Variants in MYO18B observed in about 807,000 individuals in gnomAD.
MYO18B encodes the protein unconventional myosin-XVIIIb.
MYO18B carries 204 observed loss-of-function variants against 273.0 expected under a neutral mutation model. That is an observed-to-expected ratio of 0.75 (90% confidence interval 0.67 to 0.84). MYO18B has a LOEUF of 0.84. MYO18B is among the 40% of genes least tolerant of loss of function. The probability of loss-of-function intolerance (pLI) is 0.00; values close to 1 mark genes in which losing one functional copy is unlikely to be tolerated. For synonymous variants in MYO18B, 1,330 were observed against 1,305.7 expected, an observed-to-expected ratio of 1.02 and a Z score of -0.40; for missense variants, 3,212 against 3,287.6, an observed-to-expected ratio of 0.98 and a Z score of 0.56.
At chr22:26,030,392 C>G (rs947422530) in intron 43 of MYO18B, 51 bp from the exon 44 acceptor site, 1 of 153,196 alleles carries the variant, frequency 6.5e-6, no homozygotes, top group African/African-American at 2.4e-5. Flanking sequence ...AAAGAAAAAC[C>G]TTACCCATCC....
the MYO18B span, among the ~76,000 whole-genome samples, chr22:26,054,060 A>G: frequency 6.6e-6 from 1 of 152,136 alleles, no homozygotes; most frequent in East Asian, 1.9e-4. Context: ...GGACCTAGAA[A>G]CTAATTGGAT....
the MYO18B span, among the ~76,000 whole-genome samples, chr22:26,047,882 C>T: frequency 1.3e-5 from 2 of 152,214 alleles, no homozygotes; most frequent in African/African-American, 4.8e-5. Flanking sequence ...CCTCTGACAT[C>T]TAACACCATG....
chr22:25,912,714 T>G (rs540887792), intron 33 of MYO18B, among the ~76,000 whole-genome samples: 7 of 152,334 alleles, frequency 4.6e-5, no homozygotes, highest in Admixed American at 3.9e-4. Flanking sequence ...ACAAAACGTT[T>G]TAAGAACGGT....
At chr22:25,940,750 A>G (rs1414699756) in intron 34 of MYO18B, among the ~76,000 whole-genome samples, 1 of 152,204 alleles carries the variant, frequency 6.6e-6, no homozygotes, top group African/African-American at 2.4e-5. Context: ...AGGACCCACA[A>G]TCACAGAAGA....
chr22:25,783,495 C>G (rs1326931382), intron 10 of MYO18B, among the ~76,000 whole-genome samples: 1 of 129,772 alleles, frequency 7.7e-6, no homozygotes, highest in Non-Finnish European at 1.7e-5. Flanking sequence ...CTCAGAACAT[C>G]TCTCAGACAC....
chr22:26,019,559 A>G (rs897061046), intron 42 of MYO18B, among the ~76,000 whole-genome samples: 2 of 152,250 alleles, frequency 1.3e-5, no homozygotes, highest in African/African-American at 2.4e-5. Flanking sequence ...TGCATAATGC[A>G]TAGTCCTGGG....
At chr22:26,053,140 A>G in the MYO18B span, among the ~76,000 whole-genome samples, 14 of 152,240 alleles carry the variant, frequency 9.2e-5, no homozygotes, top group Middle Eastern at 3.4e-3. Context: ...AATATTGGAA[A>G]TGCCTTTTAG....
chr22:25,794,489 T>C (rs903644186), intron 11 of MYO18B, among the ~76,000 whole-genome samples: 12 of 144,578 alleles, frequency 8.3e-5, no homozygotes, highest in African/African-American at 1.5e-4. Flanking sequence ...GCTGGCCATG[T>C]TATTATTATT....
At chr22:26,010,910 A>G (rs1244773253) in intron 42 of MYO18B, among the ~76,000 whole-genome samples, 1 of 152,040 alleles carries the variant, frequency 6.6e-6, no homozygotes, top group Non-Finnish European at 1.5e-5. Flanking sequence ...TCCAAAGAGA[A>G]TTGTCCAGAA....
At chr22:25,870,907 A>C (rs568652865) in intron 22 of MYO18B, among the ~76,000 whole-genome samples, 1 of 152,228 alleles carries the variant, frequency 6.6e-6, no homozygotes, top group Non-Finnish European at 1.5e-5. Flanking sequence ...CTTGCAGAAG[A>C]AGAAAGAAAA....
Position 26,027,383 on chromosome 22 carries a change from G to T in MYO18B, c.7409G>T (p.Arg2470Leu), listed in dbSNP as rs75632091. Residue 2470 changes from arginine to leucine, a missense_variant, in exon 43 of 44, where the codon CGT becomes CTT. By Grantham distance (102) the Arg-to-Leu change is moderately radical. Coordinates refer to ENST00000335473, the MANE Select transcript of MYO18B (RefSeq NM_032608.7). The surrounding 1 kb of genome is among the most constrained non-coding windows in gnomAD (Gnocchi z 4.1). ...AAAGGTGGGCAAGACGGTTCACAGC[G>T]TTCAAGCATCCACTTTGAAACGGAA... ...SAKGGQDGSQ[R>L]SSIHFETEEA... 1 of 1,613,792 alleles carries T rather than the reference G, an allele frequency of 6.2e-7. No homozygotes were observed. The highest frequency in any genetic ancestry group is 8.5e-7 in the Non-Finnish European group (1 of 1,179,888).
At chr22:26,004,575 C>A in intron 41 of MYO18B, 143 bp from the exon 42 acceptor site, 1 of 995,906 alleles carries the variant, frequency 1.0e-6, no homozygotes, top group Non-Finnish European at 1.4e-6. Context: ...ACAGCACTGG[C>A]TCCTACCTCT....
intron 12 of MYO18B, among the ~76,000 whole-genome samples, chr22:25,810,492 G>A (rs1289559305): frequency 7.0e-6 from 1 of 143,522 alleles, no homozygotes; most frequent in Non-Finnish European, 1.5e-5. Flanking sequence ...GGAGTGCAGT[G>A]ACGTGATCTC....
intron 17 of MYO18B, among the ~76,000 whole-genome samples, chr22:25,839,087 TGTGTATAC>T (rs1466979199): frequency 6.6e-6 from 1 of 151,576 alleles, no homozygotes; most frequent in Non-Finnish European, 1.5e-5. Context: ...TATGTATTAG[TGTGTATAC>T]GTGTGTGCGT....
Position 25,833,016 on chromosome 22 carries a change from A to G in MYO18B, c.3060+19A>G. ...CTCTCAGGTAACACAGGGCCCAGCCAATCCAGGCTCTCAGATGCCAGTTGG... is the reference window on the plus strand; with the variant it reads ...CTCTCAGGTAACACAGGGCCCAGCCGATCCAGGCTCTCAGATGCCAGTTGG... On this transcript the variant is annotated intron_variant, in intron 16 of 43. Coordinates refer to ENST00000335473, the MANE Select transcript of MYO18B (RefSeq NM_032608.7). 1 of 1,610,970 alleles carries G rather than the reference A, an allele frequency of 6.2e-7. No individual in the cohort carries two copies. Among genetic ancestry groups the G allele is most frequent in the Non-Finnish European group, 8.5e-7 (1 of 1,177,224 alleles).
intron 40 of MYO18B, among the ~76,000 whole-genome samples, chr22:25,999,679 C>A (rs1933758208): frequency 6.6e-6 from 1 of 150,590 alleles, no homozygotes; most frequent in South Asian, 2.1e-4. Flanking sequence ...CCATCTTCTT[C>A]TCCTCTCACT....
chr22:25,897,236 G>A (rs908988452), intron 28 of MYO18B: 1 of 152,218 alleles, frequency 6.6e-6, no homozygotes, highest in African/African-American at 2.4e-5. Flanking sequence ...CGGAGCCATA[G>A]GGTGGAGGTT....
intron 36 of MYO18B, among the ~76,000 whole-genome samples, chr22:25,948,652 G>A (rs2092756850): frequency 6.6e-6 from 1 of 151,286 alleles, no homozygotes; most frequent in Non-Finnish European, 1.5e-5. Context: ...CCATGTGTTA[G>A]GCACTGTGAA....
chr22:25,957,153 A>G (rs2092862901), intron 39 of MYO18B, among the ~76,000 whole-genome samples: 1 of 152,204 alleles, frequency 6.6e-6, no homozygotes, highest in Non-Finnish European at 1.5e-5. Flanking sequence ...AGGAGAGAAC[A>G]TCCCCAGCCT....
Sources: allele counts gnomAD v4.1 joint callset (sites outside exome capture counted in the v4.1 genomes callset), GRCh38; gene constraint gnomAD v4.1.1; non-coding constraint Gnocchi (gnomAD v3.1); transcripts MANE v1.5; gene names NCBI Gene and HGNC (gene_info 2026-07-23, HGNC 2026-07-21).